Variants in NLRC5 observed in about 807,000 individuals in gnomAD.
NLRC5 encodes protein NLRC5.
Under a neutral mutation model 206.9 loss-of-function variants are expected in NLRC5, and 114 were observed. The observed-to-expected ratio is 0.55, with a 90% CI of 0.47 to 0.64. The LOEUF is 0.64. NLRC5 is among the 30% of genes least tolerant of loss of function. NLRC5 has a pLI of 0.00. For synonymous variants in NLRC5, 952 were observed against 962.8 expected (o/e 0.99, Z 0.21); for missense variants, 2,008 against 2,305.5 (o/e 0.87, Z 2.64).
intron 11 of NLRC5, among the ~76,000 whole-genome samples, chr16:57,032,518 AT>A (rs1206313353): frequency 6.6e-6 from 1 of 152,158 alleles, no homozygotes; most frequent in Non-Finnish European, 1.5e-5. Context: ...TTTTAATGCT[AT>A]TTCAATTTAA....
At position 57,082,705 on chromosome 16, in the gene NLRC5, C is replaced by G. The variant is rs1165946789; in HGVS notation, c.*177C>G. 1.8e-6 allele frequency: 1 copy of G among 566,382 alleles called. No homozygotes were observed. The highest frequency in any genetic ancestry group is 3.1e-6 in the Non-Finnish European group (1 of 319,208). The allele number at this position is 566,382 out of a possible 1,614,324, so 35.1% of individuals were successfully genotyped here. The stretch of plus-strand genomic sequence containing the variant: ...CCTCAGGGAGAACTTTTTTGGGAAC[C>G]AGGAGCTGGGTCTGGACAAAGGAGT... On this transcript the variant is annotated 3_prime_UTR_variant, in exon 49 of 49. Coordinates refer to ENST00000688547, the MANE Select transcript of NLRC5 (RefSeq NM_001384950.1).
intron 15 of NLRC5, among the ~76,000 whole-genome samples, chr16:57,039,395 A>G (rs1010684417): frequency 6.6e-6 from 1 of 152,286 alleles, no homozygotes; most frequent in Admixed American, 6.5e-5. Flanking sequence ...AGGCAGGGGG[A>G]TGGAACTTGA....
chr16:57,025,793 C>T lies in NLRC5; in HGVS notation c.850C>T (p.Pro284Ser), dbSNP rs1443935328. 6.2e-7 allele frequency: 1 copy of T among 1,614,206 alleles called. No homozygotes were observed. Among genetic ancestry groups the T allele is most frequent in the Non-Finnish European group, 8.5e-7 (1 of 1,180,040 alleles). The change falls in exon 6 of 49, where the codon CCT becomes TCT. Residue 284 changes from proline (P) to serine (S), a missense_variant. Coordinates refer to ENST00000688547, the MANE Select transcript of NLRC5 (RefSeq NM_001384950.1). ...SELLFDLYLS[P>S]ESDHDTVFQY... ...GCTCCTTTTTGATCTGTACCTGAGC[C>T]CTGAATCGGACCACGACACTGTCTT... is the stretch of plus-strand genomic sequence containing the variant.
intron 17 of NLRC5, among the ~76,000 whole-genome samples, 186 bp downstream of exon 17, chr16:57,040,904 G>A (rs1298383663): frequency 6.6e-6 from 1 of 152,060 alleles, no homozygotes; most frequent in Non-Finnish European, 1.5e-5. Context: ...CCCAGACAGG[G>A]CTCACAAGGC....
intron 2 of NLRC5, among the ~76,000 whole-genome samples, chr16:57,019,663 A>G (rs981846163): frequency 2.0e-5 from 3 of 152,198 alleles, no homozygotes; most frequent in Admixed American, 1.3e-4. Context: ...CAGCCATCCC[A>G]TCAACAATCC....
At chr16:57,062,159 C>A in intron 32 of NLRC5, 1 of 772,436 alleles carries the variant, frequency 1.3e-6, no homozygotes, top group Non-Finnish European at 1.9e-6. Context: ...TTTATTTCAG[C>A]TGAAGCGGTT....
Position 57,029,829 on chromosome 16 carries a change from C to T in NLRC5, c.2300C>T (p.Pro767Leu), listed in dbSNP as rs1215745009. The change falls in exon 9 of 49, where the codon CCT becomes CTT. Residue 767 changes from proline to leucine, a missense_variant. Transcript: ENST00000688547. ...QVVLNIVEVL[P>L]HLPRLRKLDL... ...GTGCTGAACATTGTGGAGGTTCTCC[C>T]TCACCTACCACGGCTCCGGAAGCTT... is the stretch of plus-strand genomic sequence containing the variant. The T allele has an allele frequency of 5.6e-6, 9 of 1,614,066 alleles. No homozygotes were observed. The highest frequency in any genetic ancestry group is 1.7e-5 in the Admixed American group (1 of 60,006).
intron 46 of NLRC5, chr16:57,080,747 G>A (rs185552195): frequency 8.1e-4 from 175 of 215,672 alleles, no homozygotes; most frequent in African/African-American, 3.8e-3. Context: ...GATTACAGGC[G>A]TGAGCAACCA....
At chr16:57,058,638 A>AG in intron 28 of NLRC5, 1 of 372,924 alleles carries the variant, frequency 2.7e-6, no homozygotes, top group South Asian at 3.3e-5. Flanking sequence ...CCAGGACACC[A>AG]CTTGTTGCTA....
chr16:57,032,303 C>T (rs79570090), intron 11 of NLRC5, among the ~76,000 whole-genome samples: 2,221 of 151,762 alleles, frequency 0.015, 44 homozygotes, highest in African/African-American at 0.05. Flanking sequence ...AAGATGCTGA[C>T]GTTGGGAGGA....
chr16:57,020,860 C>T lies in NLRC5; in HGVS notation c.148C>T (p.Pro50Ser). The change falls in exon 3 of 49, where the codon CCT (proline) becomes TCT (serine). Residue 50 changes from proline (P) to serine (S), a missense_variant. Coordinates refer to ENST00000688547, the MANE Select transcript of NLRC5 (RefSeq NM_001384950.1). ...DLDSRNETLD[P>S]EQRVILQLNK... ...GGATTCCAGGAACGAGACCTTGGACCCTGAACAGAGAGTCATCCTGCAACT... is the reference window on the plus strand; with the variant it reads ...GGATTCCAGGAACGAGACCTTGGACTCTGAACAGAGAGTCATCCTGCAACT... The T allele has an allele frequency of 6.2e-7, 1 of 1,613,740 alleles. No individual in the cohort carries two copies. Among genetic ancestry groups the T allele is most frequent in the Non-Finnish European group, 8.5e-7 (1 of 1,179,974 alleles).
At chr16:57,005,042 G>T (rs143758735) in intron 1 of NLRC5, among the ~76,000 whole-genome samples, 1 of 152,018 alleles carries the variant, frequency 6.6e-6, no homozygotes, top group African/African-American at 2.4e-5. Flanking sequence ...TTCTCTCAGC[G>T]CCCCCATTTG....
At chr16:57,058,230 G>A (rs2065943974) in intron 28 of NLRC5, 82 bp downstream of exon 28, 1 of 1,179,532 alleles carries the variant, frequency 8.5e-7, no homozygotes, top group Non-Finnish European at 1.2e-6. Context: ...CTCCTTCTGA[G>A]GGCATCCCCC....
chr16:57,019,384 G>A lies in NLRC5; in HGVS notation c.-12-1317G>A, dbSNP rs57397829. 2.4e-3 allele frequency among the ~76,000 whole-genome samples: 362 copies of A among 151,212 alleles called. 3 individuals are homozygous for A. The highest frequency in any genetic ancestry group is 0.019 in the East Asian group (96 of 5,176). The stretch of plus-strand genomic sequence containing the variant: ...TGCACTCCAGCCTGGGTGACAGAGC[G>A]AGACTCTGTCTCAAAAAAAAAAGAG... On this transcript the variant is annotated intron_variant, in intron 2 of 48. Coordinates refer to ENST00000688547, the MANE Select transcript of NLRC5 (RefSeq NM_001384950.1).
In NLRC5 at chr16:57,025,791, G is replaced by C; in HGVS notation, c.848G>C (p.Ser283Thr). The change falls in exon 6 of 49, where the codon AGC (serine) becomes ACC (threonine). Residue 283 changes from serine to threonine, a missense_variant. Coordinates refer to ENST00000688547, the MANE Select transcript of NLRC5 (RefSeq NM_001384950.1). The part of the protein sequence containing the change: ...PSELLFDLYL[S>T]PESDHDTVFQ... The stretch of plus-strand genomic sequence containing the variant: ...GAGCTCCTTTTTGATCTGTACCTGA[G>C]CCCTGAATCGGACCACGACACTGTC... The C allele has an allele frequency of 6.2e-7, 1 of 1,614,204 alleles. No individual in the cohort carries two copies. Among genetic ancestry groups the C allele is most frequent in the South Asian group, 1.1e-5 (1 of 91,092 alleles).
At chr16:57,081,224 C>T (rs1555543379) in intron 47 of NLRC5, 43 bp downstream of exon 47, 2 of 1,520,050 alleles carry the variant, frequency 1.3e-6, no homozygotes, top group South Asian at 1.2e-5. Context: ...TAAAGGGGGA[C>T]CTACATCCCG....
At chr16:57,022,954 A>G (rs1217546826) in intron 4 of NLRC5, among the ~76,000 whole-genome samples, 3 of 152,240 alleles carry the variant, frequency 2.0e-5, no homozygotes, top group Non-Finnish European at 4.4e-5. Context: ...GGCCCGCATC[A>G]CTGAGCTGGC....
At position 57,063,851 on chromosome 16, in the gene NLRC5, G is replaced by A. The variant is rs548802553; in HGVS notation, c.4155-1361G>A. 1.2e-4 allele frequency among the ~76,000 whole-genome samples: 18 copies of A among 152,048 alleles called. No homozygotes were observed. The East Asian group carries it at 3.5e-3, about 30-fold the overall frequency. ...CCTCCTGGGTTCACGCCATTCTCCT[G>A]CCTCAGCCTCCAGAGTAGCTGGGAC... is the stretch of plus-strand genomic sequence containing the variant. On this transcript the variant is annotated intron_variant, in intron 32 of 48. Coordinates refer to ENST00000688547, the MANE Select transcript of NLRC5 (RefSeq NM_001384950.1).
chr16:57,029,404 C>T (rs2061562774), intron 8 of NLRC5, among the ~76,000 whole-genome samples: 2 of 152,132 alleles, frequency 1.3e-5, no homozygotes, highest in South Asian at 4.1e-4. Flanking sequence ...ATGTCTGCAG[C>T]GTCCCAGTCT....
Sources: gnomAD v4.1 joint callset for allele counts (sites outside exome capture counted in the v4.1 genomes callset) on GRCh38, gnomAD v4.1.1 for gene constraint, MANE v1.5 for transcripts, NCBI Gene and HGNC (gene_info 2026-07-23, HGNC 2026-07-21) for gene names.